The following CDH18 variants were observed in gnomAD, a reference collection of about 807,000 sequenced individuals.
CDH18 encodes the protein cadherin 18.
In CDH18, 31 loss-of-function variants were observed where a neutral mutation model predicts 67.9. The ratio of observed to expected loss-of-function variants is 0.46; its 90% CI spans 0.34 to 0.62. The LOEUF is 0.62. Ranked by LOEUF, CDH18 falls within the 20% of genes least tolerant of loss-of-function variation. The pLI, the probability that CDH18 is intolerant of heterozygous loss-of-function variation, is 0.01. For missense variants in CDH18, 890 were observed against 975.5 expected (o/e 0.91, Z 1.17); for synonymous variants, 362 against 347.2 (o/e 1.04, Z -0.48).
chr5:19,591,472 G>C (rs537086683), intron 6 of CDH18, among the ~76,000 whole-genome samples: 75 of 152,026 alleles, frequency 4.9e-4, no homozygotes, highest in African/African-American at 1.8e-3. Context: ...TTCTATATTT[G>C]AATATGAAAT....
intron 2 of CDH18, among the ~76,000 whole-genome samples, chr5:20,035,744 T>A (rs1328044828): frequency 6.6e-6 from 1 of 151,974 alleles, no homozygotes. Flanking sequence ...CAAAACCATA[T>A]CAGTCATCTT....
chr5:20,517,880 T>A (rs1189593726), intron 1 of CDH18, among the ~76,000 whole-genome samples: 1 of 151,952 alleles, frequency 6.6e-6, no homozygotes, highest in Non-Finnish European at 1.5e-5. Context: ...ATTCTTGGAG[T>A]GGTGAAGGTA....
chr5:19,476,885 C>T (rs1406326493), intron 12 of CDH18, among the ~76,000 whole-genome samples: 3 of 151,750 alleles, frequency 2.0e-5, no homozygotes, highest in Non-Finnish European at 2.9e-5. Flanking sequence ...ATCATATTCA[C>T]TTAATGAAAT....
At chr5:20,255,612 G>C (rs927622720) in intron 1 of CDH18, 4 of 150,998 alleles carry the variant, frequency 2.6e-5, no homozygotes, top group Non-Finnish European at 5.9e-5. Flanking sequence ...TGAGTTTGGA[G>C]AGCAAATACA....
chr5:20,459,410 G>A (rs1751088062), intron 1 of CDH18, among the ~76,000 whole-genome samples: 2 of 152,148 alleles, frequency 1.3e-5, no homozygotes, highest in African/African-American at 4.8e-5. Flanking sequence ...TTGTCTTTGT[G>A]TTTTCTCTGG....
chr5:20,103,376 G>T (rs1241525505), intron 2 of CDH18, among the ~76,000 whole-genome samples: 2 of 152,044 alleles, frequency 1.3e-5, no homozygotes, highest in African/African-American at 4.8e-5. Flanking sequence ...GCATTTAAAA[G>T]ATTACAAAAC....
chr5:19,756,548 C>A (rs1771629918), intron 3 of CDH18, among the ~76,000 whole-genome samples: 1 of 152,210 alleles, frequency 6.6e-6, no homozygotes, highest in Non-Finnish European at 1.5e-5. Flanking sequence ...CCAAATGGAT[C>A]TCCTGTATCC....
In CDH18 at chr5:19,765,767, G is replaced by A. The variant is rs557575939; in HGVS notation, c.229-18531C>T. 5.5e-4 allele frequency among the ~76,000 whole-genome samples: 84 copies of A among 152,106 alleles called. 2 individuals carry two copies. The South Asian group carries it at 0.012, about 23-fold the overall frequency. On this transcript the variant is annotated intron_variant, in intron 3 of 12. Coordinates refer to ENST00000382275, the MANE Select transcript of CDH18 (RefSeq NM_004934.5). Reference sequence around the variant, plus strand: ...TAGAGAATGGGGTTACTCAACCCAGGGTTGAGCCCATATAACTCTCCACAT... The same window carrying A: ...TAGAGAATGGGGTTACTCAACCCAGAGTTGAGCCCATATAACTCTCCACAT...
chr5:19,718,903 T>C (rs1765663002), intron 5 of CDH18, among the ~76,000 whole-genome samples: 1 of 152,044 alleles, frequency 6.6e-6, no homozygotes, highest in East Asian at 1.9e-4. Flanking sequence ...AATAAGGTAC[T>C]CACTTAAACT....
intron 2 of CDH18, among the ~76,000 whole-genome samples, chr5:20,136,415 G>T (rs907332407): frequency 3.9e-5 from 6 of 152,108 alleles, no homozygotes; most frequent in Admixed American, 2.0e-4. Context: ...TGCAAACCTT[G>T]CTTATTTTTG....
At chr5:20,230,993 A>C (rs1339624403) in intron 2 of CDH18, among the ~76,000 whole-genome samples, 1 of 152,198 alleles carries the variant, frequency 6.6e-6, no homozygotes, top group Non-Finnish European at 1.5e-5. Context: ...TCTTTGCAAG[A>C]AGTCTGTCAT....
At chr5:19,747,912 T>C (rs1442729191) in intron 3 of CDH18, among the ~76,000 whole-genome samples, 1 of 150,628 alleles carries the variant, frequency 6.6e-6, no homozygotes, top group Admixed American at 6.6e-5. Context: ...ATCGAGACCA[T>C]CCTGGCTAAC....
chr5:19,830,365 T>C (rs1780879427), intron 3 of CDH18, among the ~76,000 whole-genome samples: 1 of 151,938 alleles, frequency 6.6e-6, no homozygotes, highest in African/African-American at 2.4e-5. Flanking sequence ...AAGAACTCCA[T>C]TAAAAAGTGG....
chr5:20,215,632 C>T lies in CDH18; in HGVS notation c.-518+39812G>A, dbSNP rs77545869. Among the ~76,000 whole-genome samples, 1,325 of 151,526 alleles carry T rather than the reference C, an allele frequency of 8.7e-3. 23 individuals carry two copies. Among genetic ancestry groups the T allele is most frequent in the African/African-American group, 0.029 (1,216 of 41,238 alleles). On this transcript the variant is annotated intron_variant, in intron 2 of 14. Coordinates refer to the CDH18 transcript ENST00000507958. ...CACAATTCCATTATTATTTGTATTC[C>T]TTTGGGAATACAAATCATTGTATCA... is the stretch of plus-strand genomic sequence containing the variant.
At chr5:19,938,208 A>G (rs1794476098) in intron 2 of CDH18, among the ~76,000 whole-genome samples, 1 of 151,016 alleles carries the variant, frequency 6.6e-6, no homozygotes, top group Non-Finnish European at 1.5e-5. Flanking sequence ...ACCTTCCAAG[A>G]TTGTGGAAAA....
intron 2 of CDH18, among the ~76,000 whole-genome samples, chr5:19,903,220 A>C (rs893460622): frequency 6.6e-6 from 1 of 151,842 alleles, no homozygotes; most frequent in Admixed American, 6.6e-5. Flanking sequence ...TTAAAAATTA[A>C]ATTAATTTTT....
At chr5:19,816,529 A>G (rs1351760414) in intron 3 of CDH18, among the ~76,000 whole-genome samples, 2 of 151,846 alleles carry the variant, frequency 1.3e-5, no homozygotes, top group African/African-American at 4.8e-5. Context: ...AAATATTCCT[A>G]ACATATTACA....
At chr5:19,549,750 A>AAAAG (rs925595318) in intron 8 of CDH18, among the ~76,000 whole-genome samples, 18 of 135,128 alleles carry the variant, frequency 1.3e-4, no homozygotes, top group Non-Finnish European at 2.4e-4. Flanking sequence ...AGAGAAAAGA[A>AAAAG]AAAGAAAGAA....
At chr5:20,188,353 T>C (rs575496601) in intron 2 of CDH18, among the ~76,000 whole-genome samples, 2 of 152,144 alleles carry the variant, frequency 1.3e-5, no homozygotes, top group Non-Finnish European at 2.9e-5. Context: ...TAAATGTCTT[T>C]ATTCTACTGG....
Sources: allele counts gnomAD v4.1 joint callset (sites outside exome capture counted in the v4.1 genomes callset), GRCh38; gene constraint gnomAD v4.1.1; transcripts MANE v1.5; gene names NCBI Gene and HGNC (gene_info 2026-07-23, HGNC 2026-07-21).